Variants in GREB1L observed in about 807,000 individuals in gnomAD.
GREB1L encodes GREB1-like protein.
Under a neutral mutation model 200.8 loss-of-function variants are expected in GREB1L, and 17 were observed. That is an observed-to-expected ratio of 0.08 (90% CI 0.06 to 0.13). The LOEUF (loss-of-function observed/expected upper bound fraction) is 0.13. Ranked by LOEUF, GREB1L falls within the 10% of genes least tolerant of loss-of-function variation. The probability of loss-of-function intolerance (pLI) is 1.00; values close to 1 mark genes in which losing one functional copy is unlikely to be tolerated. For synonymous variants in GREB1L, 789 were observed against 893.0 expected (o/e 0.88, Z 2.08); for missense variants, 1,657 against 2,367.7 (o/e 0.70, Z 6.23).
At chr18:21,254,209 A>G (rs1437065608) in intron 1 of GREB1L, among the ~76,000 whole-genome samples, 1 of 151,442 alleles carries the variant, frequency 6.6e-6, no homozygotes, top group African/African-American at 2.4e-5. Flanking sequence ...AGCTGGGATT[A>G]CAGGCACACT....
chr18:21,373,546 C>A (rs923376739), intron 2 of GREB1L, among the ~76,000 whole-genome samples: 4 of 152,154 alleles, frequency 2.6e-5, no homozygotes, highest in Non-Finnish European at 4.4e-5. Flanking sequence ...GTTGACCAAG[C>A]TGGTCTCAAA....
chr18:21,501,080 A>AAAG (rs1555660311), intron 23 of GREB1L, among the ~76,000 whole-genome samples: 5 of 150,794 alleles, frequency 3.3e-5, no homozygotes, highest in Non-Finnish European at 5.9e-5. Flanking sequence ...AAAAAAAAAA[A>AAAG]AAAGAAAGAA....
chr18:21,500,383 C>G (rs1444598705), intron 22 of GREB1L, 77 bp downstream of exon 22: 1 of 846,048 alleles, frequency 1.2e-6, no homozygotes, highest in Non-Finnish European at 1.9e-6. Context: ...GCCAGAAAAC[C>G]TCTTGGGGGT....
intron 1 of GREB1L, among the ~76,000 whole-genome samples, chr18:21,325,398 A>G (rs941910724): frequency 6.6e-6 from 1 of 152,214 alleles, no homozygotes; most frequent in African/African-American, 2.4e-5. Context: ...GCTCGAATCC[A>G]ACAGAAATTG....
chr18:21,496,406 C>T (rs757206995), intron 20 of GREB1L, 48 bp from the exon 21 acceptor site: 17 of 1,540,784 alleles, frequency 1.1e-5, no homozygotes, highest in East Asian at 4.9e-5. Flanking sequence ...ATACACACTG[C>T]GTGCCTGGCC....
intron 7 of GREB1L, among the ~76,000 whole-genome samples, chr18:21,408,396 T>C (rs1273716191): frequency 6.6e-6 from 1 of 152,160 alleles, no homozygotes; most frequent in East Asian, 1.9e-4. Context: ...AACTGAAATA[T>C]GGGCAAAGGA....
At chr18:21,472,207 G>T (rs1300858801) in intron 15 of GREB1L, among the ~76,000 whole-genome samples, 1 of 152,118 alleles carries the variant, frequency 6.6e-6, no homozygotes, top group Non-Finnish European at 1.5e-5. Flanking sequence ...TCACTGAGCT[G>T]CATTTATATT....
intron 2 of GREB1L, among the ~76,000 whole-genome samples, chr18:21,376,213 G>C (rs1032893772): frequency 1.3e-5 from 2 of 151,750 alleles, no homozygotes; most frequent in Non-Finnish European, 2.9e-5. Context: ...TCCACTCCAG[G>C]GTTCAAGTGA....
At chr18:21,293,846 C>A (rs2038487584) in intron 1 of GREB1L, among the ~76,000 whole-genome samples, 1 of 152,038 alleles carries the variant, frequency 6.6e-6, no homozygotes, top group Non-Finnish European at 1.5e-5. Context: ...GTGGAGTGAT[C>A]CCGGCTCACT....
intron 7 of GREB1L, among the ~76,000 whole-genome samples, chr18:21,413,413 G>A (rs1269145068): frequency 1.3e-5 from 2 of 152,096 alleles, no homozygotes; most frequent in Non-Finnish European, 2.9e-5. Context: ...CTCTCTAGGT[G>A]CATCAAAAGT....
intron 7 of GREB1L, among the ~76,000 whole-genome samples, chr18:21,432,433 A>T (rs573172185): frequency 6.6e-6 from 1 of 151,676 alleles, no homozygotes; most frequent in African/African-American, 2.4e-5. Flanking sequence ...TATTATCTTT[A>T]TATTTTCAGA....
chr18:21,439,069 ATG>A (rs2033741841), intron 7 of GREB1L, among the ~76,000 whole-genome samples: 1 of 152,046 alleles, frequency 6.6e-6, no homozygotes, highest in Admixed American at 6.6e-5. Flanking sequence ...CACAGCATGC[ATG>A]TGTGTATGTG....
chr18:21,352,524 C>T (rs1324488456), intron 1 of GREB1L, among the ~76,000 whole-genome samples: 1 of 148,896 alleles, frequency 6.7e-6, no homozygotes, highest in Non-Finnish European at 1.5e-5. Flanking sequence ...ACCTCCGCTT[C>T]CCGGGTTCAA....
chr18:21,242,484 C>T (rs1030783444), intron 1 of GREB1L, 91 bp downstream of exon 1: 11 of 152,354 alleles, frequency 7.2e-5, no homozygotes, highest in African/African-American at 2.7e-4. Context: ...CAGGAGCTGC[C>T]CTTTGGCGGG....
intron 1 of GREB1L, among the ~76,000 whole-genome samples, chr18:21,357,874 A>G (rs1273115429): frequency 6.6e-6 from 1 of 152,152 alleles, no homozygotes; most frequent in Non-Finnish European, 1.5e-5. Flanking sequence ...TTTGTAGTAA[A>G]TAATTGAAAT....
chr18:21,479,675 T>C (rs1366145867), intron 17 of GREB1L, among the ~76,000 whole-genome samples: 1 of 149,778 alleles, frequency 6.7e-6, no homozygotes, highest in Non-Finnish European at 1.5e-5. Flanking sequence ...CAAGACCCTG[T>C]CTCAAAAAAA....
At chr18:21,511,889 C>T (rs2037251499) in intron 27 of GREB1L, among the ~76,000 whole-genome samples, 1 of 152,188 alleles carries the variant, frequency 6.6e-6, no homozygotes, top group Non-Finnish European at 1.5e-5. Context: ...AGTGATCCTC[C>T]TACCTCAGTC....
intron 5 of GREB1L, among the ~76,000 whole-genome samples, chr18:21,399,453 T>TTGGA (rs111906534): frequency 0.56 from 82,264 of 145,930 alleles, 23,665 homozygotes; most frequent in Non-Finnish European, 0.64. Flanking sequence ...GGATGGATGG[T>TTGGA]TGGATGGATG....
intron 15 of GREB1L, among the ~76,000 whole-genome samples, chr18:21,460,205 G>A (rs1434675296): frequency 3.3e-5 from 5 of 152,030 alleles, no homozygotes; most frequent in South Asian, 4.1e-4. Context: ...ATGCAGTTTC[G>A]CTCTTGTGGC....
Sources: gnomAD v4.1 joint callset for allele counts (sites outside exome capture counted in the v4.1 genomes callset) on GRCh38, gnomAD v4.1.1 for gene constraint, MANE v1.5 for transcripts, NCBI Gene and HGNC (gene_info 2026-07-23, HGNC 2026-07-21) for gene names.